The following TLK1 variants were observed in gnomAD, a reference collection of about 807,000 sequenced individuals.
The protein encoded by TLK1 is serine/threonine-protein kinase tousled-like 1.
TLK1 carries 24 observed loss-of-function variants against 105.3 expected under a neutral mutation model. The observed-to-expected ratio is 0.23, with a 90% CI of 0.17 to 0.32. The LOEUF (loss-of-function observed/expected upper bound fraction) is 0.32, where lower values mean the gene tolerates loss of function less well. Among genes scored for constraint, TLK1 ranks in the 10% least tolerant of loss-of-function variants. The pLI is 1.00. For synonymous variants in TLK1, 321 were observed against 310.4 expected, an observed-to-expected ratio of 1.03 and a Z score of -0.36; for missense variants, 558 against 910.5, an observed-to-expected ratio of 0.61 and a Z score of 4.98.
chr2:171,149,244 A>G (rs1691933064), intron 1 of TLK1, among the ~76,000 whole-genome samples: 1 of 151,518 alleles, frequency 6.6e-6, no homozygotes, highest in Non-Finnish European at 1.5e-5. Context: ...AAGCAGCAGC[A>G]GAAGAAGAAG....
At chr2:171,130,356 C>T (rs542471999) in intron 1 of TLK1, among the ~76,000 whole-genome samples, 14 of 151,786 alleles carry the variant, frequency 9.2e-5, no homozygotes, top group Admixed American at 3.3e-4. Flanking sequence ...AAGCCAAGAT[C>T]GCACCACTGC....
intron 1 of TLK1, among the ~76,000 whole-genome samples, chr2:171,147,253 G>A (rs2105588929): frequency 6.6e-6 from 1 of 152,238 alleles, no homozygotes; most frequent in African/African-American, 2.4e-5. Flanking sequence ...ATGCCAATAA[G>A]TTTTCTATAA....
At chr2:171,222,581 C>A (rs919664052) in intron 1 of TLK1, among the ~76,000 whole-genome samples, 1 of 152,102 alleles carries the variant, frequency 6.6e-6, no homozygotes, top group Non-Finnish European at 1.5e-5. Context: ...ATCCACCCCC[C>A]TCTGCCTCCC....
At position 171,058,175 on chromosome 2, in the gene TLK1, G is replaced by A; in HGVS notation, c.429C>T (p.Gly143=). Residue 143 remains glycine (G), a synonymous_variant, in exon 5 of 21, where the codon GGC becomes GGT. Coordinates refer to ENST00000431350, the MANE Select transcript of TLK1 (RefSeq NM_012290.5). The part of the protein sequence containing the change: ...SSQGKSIGGR[G]HKISDYFEYQ... Reference sequence around the variant, plus strand: ...CTTCAAAATAGTCGCTAATTTTGTGGCCACGTCCCCCAATACTTTTTCCTA... The same window carrying A: ...CTTCAAAATAGTCGCTAATTTTGTGACCACGTCCCCCAATACTTTTTCCTA... 6.2e-7 allele frequency: 1 copy of A among 1,613,526 alleles called. No individual in the cohort carries two copies. The highest frequency in any genetic ancestry group is 8.5e-7 in the Non-Finnish European group (1 of 1,179,600).
intron 11 of TLK1, among the ~76,000 whole-genome samples, chr2:171,035,332 A>C (rs1686272179): frequency 8.8e-6 from 1 of 113,866 alleles, no homozygotes; most frequent in Non-Finnish European, 1.9e-5. Context: ...CAAGAGCAAA[A>C]CTCCGTCTCA....
At chr2:171,027,673 CA>C (rs1205424310) in intron 12 of TLK1, among the ~76,000 whole-genome samples, 1 of 152,052 alleles carries the variant, frequency 6.6e-6, no homozygotes, top group Admixed American at 6.5e-5. Flanking sequence ...TGAACATAAA[CA>C]ATATGGAATT....
chr2:171,084,176 T>C (rs926759917), intron 2 of TLK1, among the ~76,000 whole-genome samples: 1 of 152,142 alleles, frequency 6.6e-6, no homozygotes, highest in Admixed American at 6.5e-5. Context: ...AGATGTCTGA[T>C]AACCGAGAAC....
Position 171,160,704 on chromosome 2 carries a change from G to T in TLK1, c.-276C>A. 2.0e-6 allele frequency: 1 copy of T among 488,000 alleles called. No individual in the cohort carries two copies. The highest frequency in any genetic ancestry group is 3.5e-6 in the Non-Finnish European group (1 of 289,410). 30.2% of individuals were successfully genotyped at this position (488,000 alleles called of 1,614,324 possible). ...GAGAGGAGGAGGAAAGGAGCGCGGC[G>T]GCGGAGGCGTCGAGGGGGTGCCAGC... On this transcript the variant is annotated 5_prime_UTR_variant, in exon 1 of 21. Transcript: ENST00000431350. The surrounding 1 kb of genome is among the most constrained non-coding windows in gnomAD (Gnocchi z 4.4).
At chr2:171,047,955 A>T (rs1403543706) in intron 10 of TLK1, among the ~76,000 whole-genome samples, 2 of 152,024 alleles carry the variant, frequency 1.3e-5, no homozygotes, top group Admixed American at 6.6e-5. Flanking sequence ...TTCTTTTTTG[A>T]CATTATTTTT....
intron 3 of TLK1, among the ~76,000 whole-genome samples, chr2:171,073,552 C>T (rs1224407114): frequency 1.3e-5 from 2 of 152,026 alleles, no homozygotes; most frequent in African/African-American, 4.8e-5. Context: ...ATGTATACAG[C>T]CAGGATGAGA....
At chr2:171,159,961 G>A (rs904978991) in intron 1 of TLK1, 14 of 249,462 alleles carry the variant, frequency 5.6e-5, no homozygotes, top group Non-Finnish European at 9.8e-5. Flanking sequence ...GGCAAATGGA[G>A]CAGAAAGGGG....
At chr2:171,061,251 A>G in intron 3 of TLK1, 95 bp from the exon 4 acceptor site, 2 of 1,046,406 alleles carry the variant, frequency 1.9e-6, no homozygotes, top group Non-Finnish European at 2.9e-6. Context: ...CCAAAAAAAT[A>G]GCATTCAGTA....
intron 1 of TLK1, among the ~76,000 whole-genome samples, chr2:171,202,992 T>C (rs1355351989): frequency 6.6e-6 from 1 of 152,122 alleles, no homozygotes; most frequent in African/African-American, 2.4e-5. Context: ...AAACAATGGA[T>C]TCTCTCTCAG....
At chr2:171,132,608 A>G (rs540220834) in intron 1 of TLK1, among the ~76,000 whole-genome samples, 1 of 152,378 alleles carries the variant, frequency 6.6e-6, no homozygotes, top group South Asian at 2.1e-4. Flanking sequence ...TTAAAAGCCT[A>G]AAAGGGACAC....
intron 14 of TLK1, among the ~76,000 whole-genome samples, chr2:171,010,546 A>C (rs1416126242): frequency 6.6e-6 from 1 of 151,866 alleles, no homozygotes; most frequent in Non-Finnish European, 1.5e-5. Context: ...AAACCTTCTT[A>C]AGGGAGAATA....
chr2:171,149,099 C>CTTTTTTTTTTTTTTTTTTTTTTTATTTTT (rs1691922027), intron 1 of TLK1, among the ~76,000 whole-genome samples: 1 of 57,894 alleles, frequency 1.7e-5, no homozygotes, highest in African/African-American at 7.3e-5. Context: ...AATTACTTTT[C>CTTTTTTTTTTTTTTTTTTTTTTTATTTTT]TTTTTTTTTT....
intron 1 of TLK1, among the ~76,000 whole-genome samples, chr2:171,196,559 A>G (rs1230209387): frequency 6.6e-6 from 1 of 152,194 alleles, no homozygotes; most frequent in Non-Finnish European, 1.5e-5. Context: ...GGTTTGCCAT[A>G]TATCTATATG....
chr2:171,024,026 G>C (rs1192876794), intron 12 of TLK1, among the ~76,000 whole-genome samples: 1 of 152,146 alleles, frequency 6.6e-6, no homozygotes, highest in African/African-American at 2.4e-5. Flanking sequence ...GGATCATTTA[G>C]AAGCTTTGCC....
At chr2:171,083,146 A>G (rs1688822545) in intron 2 of TLK1, among the ~76,000 whole-genome samples, 2 of 152,320 alleles carry the variant, frequency 1.3e-5, no homozygotes, top group South Asian at 4.1e-4. Context: ...GGCCATTGTT[A>G]GGATGACAAG....
Sources: allele counts gnomAD v4.1 joint callset (sites outside exome capture counted in the v4.1 genomes callset), GRCh38; gene constraint gnomAD v4.1.1; non-coding constraint Gnocchi (gnomAD v3.1); transcripts MANE v1.5; gene names NCBI Gene and HGNC (gene_info 2026-07-23, HGNC 2026-07-21).